CTNNA3: variants seen among roughly 807,000 people sequenced by gnomAD.
CTNNA3 encodes the protein catenin alpha 3.
A neutral mutation model predicts 95.7 loss-of-function variants in CTNNA3; 76 were observed. That is an observed-to-expected ratio of 0.79 (90% CI 0.66 to 0.96). CTNNA3 has a LOEUF of 0.96. Among genes scored for constraint, CTNNA3 ranks in the 40% least tolerant of loss-of-function variants. The pLI, the probability that CTNNA3 is intolerant of heterozygous loss-of-function variation, is 0.00. For synonymous variants in CTNNA3, 431 were observed against 374.4 expected (o/e 1.15, Z -1.74); for missense variants, 1,191 against 1,089.8 (o/e 1.09, Z -1.31).
chr10:66,559,542 C>T (rs1456263381), intron 10 of CTNNA3, among the ~76,000 whole-genome samples: 1 of 151,952 alleles, frequency 6.6e-6, no homozygotes, highest in Non-Finnish European at 1.5e-5. Context: ...GGAACACCCC[C>T]CACACCCACC....
At chr10:67,743,500 CT>C (rs1841355186) in intron 1 of CTNNA3, among the ~76,000 whole-genome samples, 1 of 151,186 alleles carries the variant, frequency 6.6e-6, no homozygotes, top group African/African-American at 2.4e-5. Flanking sequence ...TGGGACATAT[CT>C]CAAAATAATA....
chr10:66,771,844 A>C (rs948156076), intron 8 of CTNNA3, among the ~76,000 whole-genome samples: 3 of 152,190 alleles, frequency 2.0e-5, no homozygotes, highest in African/African-American at 7.2e-5. Context: ...ACTCATTACA[A>C]AAGAAAAAAA....
chr10:66,132,694 T>C (rs920556653), intron 13 of CTNNA3, among the ~76,000 whole-genome samples: 1 of 152,202 alleles, frequency 6.6e-6, no homozygotes, highest in Non-Finnish European at 1.5e-5. Flanking sequence ...GCAGTACATA[T>C]ACACCATGGA....
Position 67,224,834 on chromosome 10 carries a change from G to A in CTNNA3, c.580-4964C>T, listed in dbSNP as rs1003578824. The stretch of plus-strand genomic sequence containing the variant: ...CACCACAGGGAGAAGGAAAATTCCA[G>A]CTGAACTTCGTAACAATTTGAACAG... On this transcript the variant is annotated intron_variant, in intron 5 of 17. Coordinates refer to ENST00000433211, the MANE Select transcript of CTNNA3 (RefSeq NM_013266.4). Among the ~76,000 whole-genome samples, 7 of 152,310 alleles carry A rather than the reference G, an allele frequency of 4.6e-5. No individual in the cohort carries two copies. In the South Asian group the frequency reaches 8.3e-4, roughly 18 times the overall value.
At chr10:67,705,449 T>TA (rs1458658939) in intron 1 of CTNNA3, among the ~76,000 whole-genome samples, 1 of 148,652 alleles carries the variant, frequency 6.7e-6, no homozygotes, top group African/African-American at 2.5e-5. Flanking sequence ...TATGCAGCCA[T>TA]AAAAAATGAT....
intron 2 of CTNNA3, among the ~76,000 whole-genome samples, chr10:67,616,515 A>G (rs1426314467): frequency 6.6e-6 from 1 of 151,764 alleles, no homozygotes; most frequent in Non-Finnish European, 1.5e-5. Context: ...GAAATGACAA[A>G]ATTTTGGTAT....
At chr10:66,871,862 G>A (rs955154758) in intron 7 of CTNNA3, among the ~76,000 whole-genome samples, 12 of 152,074 alleles carry the variant, frequency 7.9e-5, no homozygotes, top group Non-Finnish European at 1.5e-4. Context: ...AATTTTATAC[G>A]ATAAATTTCA....
chr10:67,722,751 C>T (rs956424184), intron 1 of CTNNA3, among the ~76,000 whole-genome samples: 1 of 152,084 alleles, frequency 6.6e-6, no homozygotes, highest in Non-Finnish European at 1.5e-5. Context: ...AGAACACCTA[C>T]AAAAGACCTT....
At chr10:67,428,608 G>A (rs929478159) in intron 5 of CTNNA3, among the ~76,000 whole-genome samples, 1 of 152,026 alleles carries the variant, frequency 6.6e-6, no homozygotes, top group Non-Finnish European at 1.5e-5. Context: ...AACACTGAGT[G>A]TCAACTTCAT....
At chr10:66,343,559 A>AT (rs769918089) in intron 12 of CTNNA3, among the ~76,000 whole-genome samples, 16 of 152,056 alleles carry the variant, frequency 1.1e-4, no homozygotes, top group Non-Finnish European at 2.1e-4. Context: ...AGAACAGAGG[A>AT]TACTGGGGCT....
intron 7 of CTNNA3, chr10:66,926,077 A>G (rs1374188206): frequency 1.5e-5 from 7 of 457,516 alleles, no homozygotes; most frequent in Non-Finnish European, 3.1e-5. Flanking sequence ...TGCAGAAGTG[A>G]GCTGAGCGTG....
At chr10:66,066,537 A>G (rs1162103959) in intron 15 of CTNNA3, among the ~76,000 whole-genome samples, 1 of 152,142 alleles carries the variant, frequency 6.6e-6, no homozygotes, top group Admixed American at 6.6e-5. Flanking sequence ...ATTACTTTCT[A>G]TATGAAGAGG....
chr10:66,242,966 C>G (rs1410540559), intron 13 of CTNNA3, among the ~76,000 whole-genome samples: 1 of 152,020 alleles, frequency 6.6e-6, no homozygotes, highest in Non-Finnish European at 1.5e-5. Context: ...ATTCTAAGCC[C>G]CCTAACTGAT....
At chr10:67,095,341 G>GA (rs1229826091) in intron 7 of CTNNA3, among the ~76,000 whole-genome samples, 1 of 151,616 alleles carries the variant, frequency 6.6e-6, no homozygotes, top group Non-Finnish European at 1.5e-5. Context: ...AATAAAATGT[G>GA]AAAAAATGTG....
chr10:66,524,363 T>C (rs1404932921), intron 10 of CTNNA3, among the ~76,000 whole-genome samples: 1 of 152,142 alleles, frequency 6.6e-6, no homozygotes, highest in African/African-American at 2.4e-5. Flanking sequence ...ACTTACAAAC[T>C]GTCCCTAAGA....
At chr10:66,560,286 A>T (rs910570116) in intron 10 of CTNNA3, among the ~76,000 whole-genome samples, 1 of 149,220 alleles carries the variant, frequency 6.7e-6, no homozygotes, top group Non-Finnish European at 1.5e-5. Flanking sequence ...GAATTTTATA[A>T]CTTTTTGAGT....
chr10:66,383,137 C>T (rs565253080), intron 11 of CTNNA3, among the ~76,000 whole-genome samples: 3 of 152,260 alleles, frequency 2.0e-5, no homozygotes, highest in South Asian at 2.1e-4. Flanking sequence ...GTGGTAATAA[C>T]AGACTTCTCT....
At chr10:66,568,193 C>T (rs971321843) in intron 10 of CTNNA3, among the ~76,000 whole-genome samples, 2 of 152,064 alleles carry the variant, frequency 1.3e-5, no homozygotes, top group African/African-American at 4.8e-5. Flanking sequence ...AAATAGAAAT[C>T]TATTAAGGAC....
At chr10:66,729,069 G>T (rs967598982) in intron 9 of CTNNA3, among the ~76,000 whole-genome samples, 7 of 152,142 alleles carry the variant, frequency 4.6e-5, no homozygotes, top group Non-Finnish European at 1.5e-5. Flanking sequence ...TAAGTGTGTG[G>T]TCTTATTTCT....
Sources: allele counts gnomAD v4.1 joint callset (sites outside exome capture counted in the v4.1 genomes callset), GRCh38; gene constraint gnomAD v4.1.1; transcripts MANE v1.5; gene names NCBI Gene and HGNC (gene_info 2026-07-23, HGNC 2026-07-21).